Variants in ARHGAP18 observed in about 807,000 individuals in gnomAD.
ARHGAP18 encodes Rho GTPase activating protein 18.
In ARHGAP18, 67 loss-of-function variants were observed where a neutral mutation model predicts 86.2. The observed-to-expected ratio is 0.78, with a 90% CI of 0.64 to 0.95. The LOEUF (loss-of-function observed/expected upper bound fraction) is 0.95. Ranked by LOEUF, ARHGAP18 falls within the 40% of genes least tolerant of loss-of-function variation. ARHGAP18 has a pLI of 0.00. For synonymous variants in ARHGAP18, 283 were observed against 280.4 expected, an observed-to-expected ratio of 1.01 and a Z score of -0.09; for missense variants, 691 against 780.4, an observed-to-expected ratio of 0.89 and a Z score of 1.37.
intron 14 of ARHGAP18, among the ~76,000 whole-genome samples, chr6:129,578,997 A>C (rs890881126): frequency 7.9e-5 from 12 of 152,050 alleles, no homozygotes; most frequent in East Asian, 3.9e-4. Flanking sequence ...TAAAAAAAAA[A>C]CTTCTCATTC....
chr6:129,660,767 A>G (rs1773933954), intron 1 of ARHGAP18, among the ~76,000 whole-genome samples: 1 of 152,192 alleles, frequency 6.6e-6, no homozygotes, highest in African/African-American at 2.4e-5. Context: ...TGTGCCCATG[A>G]AAGAGTTACT....
intron 6 of ARHGAP18, 55 bp downstream of exon 6, chr6:129,618,632 A>G (rs1789144456): frequency 2.0e-6 from 3 of 1,504,432 alleles, no homozygotes; most frequent in African/African-American, 2.8e-5. Flanking sequence ...AAAAAAGCCA[A>G]GTCCATCCTT....
chr6:129,578,637 A>G (rs1451687285), intron 14 of ARHGAP18, 33 bp from the exon 15 acceptor site: 1 of 1,534,168 alleles, frequency 6.5e-7, no homozygotes, highest in African/African-American at 1.4e-5. Flanking sequence ...AGTTTAATAC[A>G]GCAGGTAGAT....
At chr6:129,662,192 T>C (rs1025589969) in intron 1 of ARHGAP18, among the ~76,000 whole-genome samples, 1 of 152,246 alleles carries the variant, frequency 6.6e-6, no homozygotes, top group African/African-American at 2.4e-5. Flanking sequence ...AAGGCAGGAA[T>C]AGCAAGCTGT....
intron 10 of ARHGAP18, among the ~76,000 whole-genome samples, chr6:129,603,959 G>A (rs1324471206): frequency 6.6e-6 from 1 of 152,186 alleles, no homozygotes; most frequent in East Asian, 1.9e-4. Context: ...TGCTAGCACT[G>A]GATAAGTCAG....
At chr6:129,637,363 A>G (rs1218873289) in intron 3 of ARHGAP18, among the ~76,000 whole-genome samples, 2 of 152,032 alleles carry the variant, frequency 1.3e-5, no homozygotes, top group Admixed American at 6.6e-5. Flanking sequence ...AACTTTTATC[A>G]TGCCTTCTCT....
intron 1 of ARHGAP18, among the ~76,000 whole-genome samples, chr6:129,643,877 G>T (rs1198621451): frequency 6.6e-6 from 1 of 152,196 alleles, no homozygotes; most frequent in East Asian, 1.9e-4. Flanking sequence ...CTATCCAGCA[G>T]CTTAATTCCA....
chr6:129,709,990 G>GGTTTT (rs759294927), intron 1 of ARHGAP18, 34 bp downstream of exon 1: 8 of 1,539,044 alleles, frequency 5.2e-6, no homozygotes, highest in South Asian at 4.5e-5. Context: ...CAGGTAAGAG[G>GGTTTT]GTTTTGTTTT....
intron 6 of ARHGAP18, among the ~76,000 whole-genome samples, chr6:129,617,078 T>C (rs1321991743): frequency 2.0e-5 from 3 of 152,246 alleles, no homozygotes; most frequent in African/African-American, 7.2e-5. Flanking sequence ...GATCTTGTTC[T>C]ACAAATGTTT....
At chr6:129,584,213 A>G in intron 12 of ARHGAP18, 101 bp from the exon 13 acceptor site, 1 of 1,465,316 alleles carries the variant, frequency 6.8e-7, no homozygotes, top group Non-Finnish European at 9.1e-7. Flanking sequence ...TACGCATTTT[A>G]CTTCACTACA....
chr6:129,677,122 G>A (rs35462842), intron 1 of ARHGAP18, among the ~76,000 whole-genome samples: 9,364 of 152,088 alleles, frequency 0.062, 442 homozygotes, highest in Middle Eastern at 0.11. Context: ...GCCGGGCGCG[G>A]TGGCTCACGC....
chr6:129,688,135 C>T (rs1253574899), intron 1 of ARHGAP18, among the ~76,000 whole-genome samples: 2 of 152,210 alleles, frequency 1.3e-5, no homozygotes, highest in Non-Finnish European at 2.9e-5. Flanking sequence ...CTCAACCTCT[C>T]GTTCCAGTCT....
intron 1 of ARHGAP18, among the ~76,000 whole-genome samples, chr6:129,687,398 G>A (rs62421108): frequency 0.098 from 14,940 of 152,096 alleles, 861 homozygotes; most frequent in East Asian, 0.23. Context: ...TTAAGAAAGC[G>A]TTTCCTGCCT....
intron 12 of ARHGAP18, among the ~76,000 whole-genome samples, chr6:129,585,269 T>C (rs891674054): frequency 1.5e-4 from 22 of 151,450 alleles, no homozygotes; most frequent in Non-Finnish European, 2.2e-4. Flanking sequence ...GGAGACAGAG[T>C]GAGACTCCAT....
intron 10 of ARHGAP18, 94 bp from the exon 11 acceptor site, chr6:129,600,942 AC>A (rs1788726334): frequency 8.9e-7 from 1 of 1,124,990 alleles, no homozygotes; most frequent in Non-Finnish European, 1.3e-6. Context: ...CATTGAAAAA[AC>A]AAGTTGTGTA....
intron 12 of ARHGAP18, among the ~76,000 whole-genome samples, chr6:129,595,261 A>G (rs764520562): frequency 1.5e-4 from 23 of 152,296 alleles, no homozygotes; most frequent in Middle Eastern, 3.4e-3. Context: ...CTTTTATCAC[A>G]TAGTAACATA....
chr6:129,674,933 G>A (rs1030744392), intron 1 of ARHGAP18, among the ~76,000 whole-genome samples: 7 of 152,096 alleles, frequency 4.6e-5, no homozygotes, highest in South Asian at 4.2e-4. Flanking sequence ...ATAAGGTGTC[G>A]CCTCCATTCT....
At chr6:129,606,528 C>A (rs1377582019) in intron 9 of ARHGAP18, among the ~76,000 whole-genome samples, 2 of 152,136 alleles carry the variant, frequency 1.3e-5, no homozygotes, top group African/African-American at 4.8e-5. Flanking sequence ...GCAGCCCTTA[C>A]CCCATTTAAG....
rs1788223100 is a variant in ARHGAP18, at chr6:129,578,432, G to A, written c.*81C>T. On this transcript the variant is annotated 3_prime_UTR_variant, in exon 15 of 15. Coordinates refer to ENST00000368149, the MANE Select transcript of ARHGAP18 (RefSeq NM_033515.3). Reference sequence around the variant, plus strand: ...GGTACAACTGAATAATATGAGTCCTGCCATTTCTTTTATTTACACTCTTGA... The same window carrying A: ...GGTACAACTGAATAATATGAGTCCTACCATTTCTTTTATTTACACTCTTGA... 1.8e-6 allele frequency: 2 copies of A among 1,112,924 alleles called. No homozygotes were observed. The highest frequency in any genetic ancestry group is 5.0e-5 in the East Asian group (2 of 39,992). The allele number at this position is 1,112,924 out of a possible 1,614,324, so 68.9% of individuals were successfully genotyped here. A position where few individuals can be genotyped will look rare whatever the true frequency, so the allele number is the denominator to read the frequency against.
Sources: allele counts gnomAD v4.1 joint callset (sites outside exome capture counted in the v4.1 genomes callset), GRCh38; gene constraint gnomAD v4.1.1; transcripts MANE v1.5; gene names NCBI Gene and HGNC (gene_info 2026-07-23, HGNC 2026-07-21).